The following PRKG2 variants were observed in gnomAD, a reference collection of about 807,000 sequenced individuals.
PRKG2 encodes the protein protein kinase cGMP-dependent 2, also known as cGMP-dependent protein kinase 2.
In PRKG2, 33 loss-of-function variants were observed where a neutral mutation model predicts 97.2. The observed-to-expected ratio is 0.34, with a 90% CI of 0.26 to 0.45. The LOEUF is 0.45. Among genes scored for constraint, PRKG2 ranks in the 20% least tolerant of loss-of-function variants. The probability of loss-of-function intolerance (pLI) is 1.00; values close to 1 mark genes in which losing one functional copy is unlikely to be tolerated. For missense variants in PRKG2, 638 were observed against 900.0 expected (o/e 0.71, Z 3.73); for synonymous variants, 330 against 321.8 (o/e 1.03, Z -0.27).
At chr4:81,151,382 C>T (rs534109185) in intron 8 of PRKG2, among the ~76,000 whole-genome samples, 219 of 152,072 alleles carry the variant, frequency 1.4e-3, no homozygotes, top group Non-Finnish European at 2.6e-3. Context: ...AAGTGTCCCT[C>T]GAGCCATTTA....
chr4:81,101,029 C>T (rs573674030), intron 17 of PRKG2, among the ~76,000 whole-genome samples: 18 of 152,094 alleles, frequency 1.2e-4, no homozygotes, highest in Non-Finnish European at 2.1e-4. Flanking sequence ...CCATCTCACA[C>T]CAGTTAGAAT....
intron 2 of PRKG2, among the ~76,000 whole-genome samples, chr4:81,199,713 A>AC (rs1374353276): frequency 3.3e-5 from 5 of 152,200 alleles, no homozygotes; most frequent in Non-Finnish European, 7.3e-5. Flanking sequence ...AATAAAGAAA[A>AC]CATGTTCTGT....
chr4:81,154,352 G>C (rs1156752269), intron 6 of PRKG2: 2 of 152,260 alleles, frequency 1.3e-5, no homozygotes, highest in African/African-American at 4.8e-5. Context: ...AGTAACCTCT[G>C]CAGATTTAAA....
At chr4:81,170,175 G>A (rs1750338020) in intron 4 of PRKG2, among the ~76,000 whole-genome samples, 1 of 152,100 alleles carries the variant, frequency 6.6e-6, no homozygotes, top group African/African-American at 2.4e-5. Context: ...AGCTATCTGT[G>A]TGTATGTGTG....
At chr4:81,167,069 C>T in intron 6 of PRKG2, 92 bp downstream of exon 6, 1 of 945,112 alleles carries the variant, frequency 1.1e-6, no homozygotes, top group Non-Finnish European at 1.6e-6. Flanking sequence ...GACTGGTGCT[C>T]TGACATCTTT....
intron 6 of PRKG2, among the ~76,000 whole-genome samples, chr4:81,158,736 G>C (rs1205419596): frequency 2.0e-5 from 3 of 152,110 alleles, no homozygotes; most frequent in Non-Finnish European, 4.4e-5. Context: ...CATGGTGCTG[G>C]TACCAAAACA....
At chr4:81,182,615 T>G (rs1751509328) in intron 2 of PRKG2, among the ~76,000 whole-genome samples, 1 of 152,032 alleles carries the variant, frequency 6.6e-6, no homozygotes. Context: ...TAAACTGTAT[T>G]CTTTCCAAAA....
chr4:81,141,462 T>C (rs932465255), intron 11 of PRKG2, among the ~76,000 whole-genome samples: 1 of 152,200 alleles, frequency 6.6e-6, no homozygotes, highest in Non-Finnish European at 1.5e-5. Context: ...GGCTACCCTA[T>C]TAAATAGCAC....
chr4:81,202,539 C>T (rs1657440326), intron 2 of PRKG2, among the ~76,000 whole-genome samples: 1 of 152,104 alleles, frequency 6.6e-6, no homozygotes, highest in Admixed American at 6.6e-5. Context: ...AGGACTTAAT[C>T]ATTAAGAAAT....
intron 9 of PRKG2, among the ~76,000 whole-genome samples, chr4:81,144,689 T>G (rs933982123): frequency 6.6e-6 from 1 of 151,178 alleles, no homozygotes; most frequent in African/African-American, 2.4e-5. Flanking sequence ...ACATGTGCCA[T>G]GCTGGTGTGC....
intron 2 of PRKG2, 40 bp downstream of exon 2, chr4:81,204,547 T>C (rs1339618814): frequency 1.3e-6 from 2 of 1,541,882 alleles, no homozygotes; most frequent in Non-Finnish European, 1.8e-6. Flanking sequence ...TTTCACAATA[T>C]TAAGCCCATC....
intron 6 of PRKG2, 124 bp from the exon 7 acceptor site, chr4:81,153,845 ATC>A (rs1748676089): frequency 1.5e-6 from 1 of 672,724 alleles, no homozygotes; most frequent in African/African-American, 1.8e-5. Context: ...CTGTATTTCC[ATC>A]TGAGGTACCG....
intron 6 of PRKG2, among the ~76,000 whole-genome samples, chr4:81,161,122 T>TTAA (rs1749560768): frequency 6.6e-6 from 1 of 152,182 alleles, no homozygotes; most frequent in South Asian, 2.1e-4. Flanking sequence ...TAAAACCTAT[T>TTAA]TACTTTTCTG....
At chr4:81,153,589 G>T in intron 7 of PRKG2, 55 bp downstream of exon 7, 1 of 1,403,048 alleles carries the variant, frequency 7.1e-7, no homozygotes, top group Non-Finnish European at 9.9e-7. Flanking sequence ...TTGAGTTTAT[G>T]GCAAACTGAT....
intron 14 of PRKG2, among the ~76,000 whole-genome samples, chr4:81,133,634 T>A (rs754701728): frequency 6.6e-6 from 1 of 152,160 alleles, no homozygotes; most frequent in Non-Finnish European, 1.5e-5. Flanking sequence ...GATTTCAAGG[T>A]ACATAGTTTA....
chr4:81,212,213 C>T (rs1166010020), intron 1 of PRKG2, among the ~76,000 whole-genome samples: 1 of 152,152 alleles, frequency 6.6e-6, no homozygotes, highest in Non-Finnish European at 1.5e-5. Flanking sequence ...TTTCTCTTGA[C>T]AGGAAATCAT....
chr4:81,197,473 C>A (rs938061774), intron 2 of PRKG2, among the ~76,000 whole-genome samples: 2 of 152,128 alleles, frequency 1.3e-5, no homozygotes, highest in East Asian at 3.9e-4. Flanking sequence ...CAATAGCAAG[C>A]GAAATAAAAT....
In PRKG2 at chr4:81,089,795, T is replaced by C. The variant is rs753715712; in HGVS notation, c.2202A>G (p.Gly734=). Residue 734 remains glycine, a synonymous_variant, in exon 19 of 19, where the codon GGA becomes GGG. Transcript: ENST00000264399. ...TGTCAAAGTAGCTGTGATCTATGGG[T>C]CCCTTGAGCTAATATAGAAATAATT... is the stretch of plus-strand genomic sequence containing the variant. ...LPSPLQRELK[G]PIDHSYFDKY... 1.8e-5 allele frequency: 29 copies of C among 1,602,656 alleles called. No homozygotes were observed. In the South Asian group the frequency reaches 3.0e-4, roughly 16 times the overall value.
At chr4:81,099,792 A>T (rs1742529104) in intron 17 of PRKG2, among the ~76,000 whole-genome samples, 1 of 152,224 alleles carries the variant, frequency 6.6e-6, no homozygotes, top group Non-Finnish European at 1.5e-5. Flanking sequence ...TGCAGATGAC[A>T]TGATTGTGTA....
Sources: gnomAD v4.1 joint callset for allele counts (sites outside exome capture counted in the v4.1 genomes callset) on GRCh38, gnomAD v4.1.1 for gene constraint, MANE v1.5 for transcripts, NCBI Gene and HGNC (gene_info 2026-07-23, HGNC 2026-07-21) for gene names.